The following PTPN12 variants were observed in gnomAD, a reference collection of about 807,000 sequenced individuals.
The protein encoded by PTPN12 is tyrosine-protein phosphatase non-receptor type 12.
Under a neutral mutation model 97.6 loss-of-function variants are expected in PTPN12, and 29 were observed. That is an observed-to-expected ratio of 0.30 (90% confidence interval 0.22 to 0.41). The LOEUF (loss-of-function observed/expected upper bound fraction) is 0.41, where lower values mean the gene tolerates loss of function less well. PTPN12 is among the 10% of genes least tolerant of loss of function. PTPN12 has a pLI of 1.00. For missense variants in PTPN12, 819 were observed against 926.0 expected (o/e 0.88, Z 1.50); for synonymous variants, 327 against 300.4 (o/e 1.09, Z -0.91).
In PTPN12 at chr7:77,626,950, A is replaced by G. The variant is rs375951290; in HGVS notation, c.1271A>G (p.Glu424Gly). The G allele has an allele frequency of 6.2e-7, 1 of 1,611,460 alleles. No individual in the cohort carries two copies. Among genetic ancestry groups the G allele is most frequent in the Non-Finnish European group, 8.5e-7 (1 of 1,179,144 alleles). The stretch of plus-strand genomic sequence containing the variant: ...CCAGGGAAAAATGAATCAACAATTG[A>G]ACAGATAGATAAAAAATTGGAACGA... The part of the protein sequence containing the change: ...ELPGKNESTI[E>G]QIDKKLERNL... The change falls in exon 13 of 18, where the codon GAA becomes GGA. Residue 424 changes from glutamate (E) to glycine (G), a missense_variant. Transcript: ENST00000248594.
chr7:77,580,316 G>T (rs1367819576), intron 2 of PTPN12, among the ~76,000 whole-genome samples: 2 of 152,190 alleles, frequency 1.3e-5, no homozygotes, highest in African/African-American at 4.8e-5. Flanking sequence ...GACAGAGTGA[G>T]ACCTTGTCTC....
intron 1 of PTPN12, among the ~76,000 whole-genome samples, chr7:77,544,508 CTTTA>C (rs1807127921): frequency 6.6e-6 from 1 of 152,126 alleles, no homozygotes; most frequent in African/African-American, 2.4e-5. Context: ...GAATGTTTTA[CTTTA>C]TTTACTTTCA....
chr7:77,627,108 A>C lies in PTPN12; in HGVS notation c.1429A>C (p.Lys477Gln). Residue 477 changes from lysine to glutamine, a missense_variant, in exon 13 of 18, where the codon AAG (lysine) becomes CAG (glutamine). This residue lies in a region of PTPN12 where 607 missense variants were observed against 577.3 expected (regional missense o/e 1.05). Coordinates refer to ENST00000248594, the MANE Select transcript of PTPN12 (RefSeq NM_002835.4). ...ASPCIADKIS[K>Q]PQELSSDLNV... is the part of the protein sequence containing the mutation. ...ACCTTGTATAGCTGATAAAATCTCT[A>C]AGCCACAGGAATTAAGTTCAGATCT... 1 of 1,614,090 alleles carries C rather than the reference A, an allele frequency of 6.2e-7. No homozygotes were observed. Among genetic ancestry groups the C allele is most frequent in the South Asian group, 1.1e-5 (1 of 91,074 alleles).
At chr7:77,569,391 C>T (rs1158680460) in intron 1 of PTPN12, among the ~76,000 whole-genome samples, 2 of 152,052 alleles carry the variant, frequency 1.3e-5, no homozygotes, top group African/African-American at 4.8e-5. Flanking sequence ...TTTTTCAGCT[C>T]TCTCATATTT....
chr7:77,629,011 G>T (rs12530539), intron 13 of PTPN12, among the ~76,000 whole-genome samples: 42 of 152,230 alleles, frequency 2.8e-4, no homozygotes, highest in African/African-American at 9.6e-4. Context: ...GTGCAGTGGC[G>T]CAATCTTGGC....
At chr7:77,543,853 C>T (rs1261439829) in intron 1 of PTPN12, among the ~76,000 whole-genome samples, 2 of 152,100 alleles carry the variant, frequency 1.3e-5, no homozygotes, top group Non-Finnish European at 2.9e-5. Context: ...TACTTTTGGC[C>T]TTTTTATGGC....
At chr7:77,543,036 G>T (rs1218783145) in intron 1 of PTPN12, among the ~76,000 whole-genome samples, 1 of 151,910 alleles carries the variant, frequency 6.6e-6, no homozygotes, top group Non-Finnish European at 1.5e-5. Flanking sequence ...GAGAAGGTGT[G>T]GTCAAGGAGG....
At chr7:77,549,007 T>TA (rs1316635060) in intron 1 of PTPN12, among the ~76,000 whole-genome samples, 1 of 152,228 alleles carries the variant, frequency 6.6e-6, no homozygotes, top group Admixed American at 6.5e-5. Context: ...AGACATCCCT[T>TA]ATGGTAATCT....
intron 1 of PTPN12, among the ~76,000 whole-genome samples, chr7:77,559,419 C>T (rs780802923): frequency 4.6e-5 from 7 of 152,102 alleles, no homozygotes; most frequent in Non-Finnish European, 8.8e-5. Context: ...TATTATCTAA[C>T]CCCTTTATTG....
At chr7:77,582,661 G>T (rs1267935919) in intron 3 of PTPN12, among the ~76,000 whole-genome samples, 1 of 151,742 alleles carries the variant, frequency 6.6e-6, no homozygotes, top group Non-Finnish European at 1.5e-5. Flanking sequence ...GTGCATGCCT[G>T]TAATACCAGC....
intron 3 of PTPN12, among the ~76,000 whole-genome samples, chr7:77,582,472 A>G (rs1311260575): frequency 2.0e-5 from 3 of 152,102 alleles, no homozygotes; most frequent in African/African-American, 7.2e-5. Context: ...TTTTGTTGAT[A>G]AAAATGTTAA....
At chr7:77,556,049 GTGTTTGTTTGTTTGTT>G (rs56329736) in intron 1 of PTPN12, among the ~76,000 whole-genome samples, 27 of 151,586 alleles carry the variant, frequency 1.8e-4, no homozygotes, top group African/African-American at 5.3e-4. Context: ...TAATCATAGG[GTGTTTGTTTGTTTGTT>G]TGTTTGTTTG....
intron 1 of PTPN12, among the ~76,000 whole-genome samples, chr7:77,553,534 A>C (rs4729528): frequency 3.9e-4 from 59 of 152,122 alleles, no homozygotes; most frequent in African/African-American, 1.3e-3. Context: ...CTTTATCATG[A>C]TGTAAAGCCA....
intron 16 of PTPN12, among the ~76,000 whole-genome samples, chr7:77,637,423 G>GA (rs1789632900): frequency 6.7e-6 from 1 of 150,160 alleles, no homozygotes; most frequent in Non-Finnish European, 1.5e-5. Context: ...CTTCCTTTTA[G>GA]TACTTTTTCA....
chr7:77,547,147 T>C (rs1271587075), intron 1 of PTPN12, among the ~76,000 whole-genome samples: 1 of 151,814 alleles, frequency 6.6e-6, no homozygotes, highest in Non-Finnish European at 1.5e-5. Flanking sequence ...CATCCATCCA[T>C]GGTCTCTGTC....
At chr7:77,634,358 G>C (rs1018740452) in intron 14 of PTPN12, among the ~76,000 whole-genome samples, 1 of 152,138 alleles carries the variant, frequency 6.6e-6, no homozygotes, top group African/African-American at 2.4e-5. Context: ...GTGCTCACTT[G>C]TCTAAGTACA....
chr7:77,616,903 C>T (rs182717464), intron 11 of PTPN12, among the ~76,000 whole-genome samples: 3 of 152,252 alleles, frequency 2.0e-5, no homozygotes, highest in East Asian at 1.9e-4. Flanking sequence ...CTGCCTCAGC[C>T]TCCCAAGTAA....
chr7:77,603,739 G>A (rs1788259933), intron 8 of PTPN12, among the ~76,000 whole-genome samples: 1 of 152,110 alleles, frequency 6.6e-6, no homozygotes, highest in Non-Finnish European at 1.5e-5. Context: ...GTTGGTCAAG[G>A]ACATAAACTT....
intron 1 of PTPN12, among the ~76,000 whole-genome samples, chr7:77,560,930 G>C (rs1807969030): frequency 6.6e-6 from 1 of 152,138 alleles, no homozygotes; most frequent in African/African-American, 2.4e-5. Context: ...TGGAATTGCT[G>C]AATGATATGA....
Sources: gnomAD v4.1 joint callset for allele counts (sites outside exome capture counted in the v4.1 genomes callset) on GRCh38, gnomAD v4.1.1 for gene constraint, gnomAD v4.1.1 regional missense constraint, MANE v1.5 for transcripts, NCBI Gene and HGNC (gene_info 2026-07-23, HGNC 2026-07-21) for gene names.